The following BCL2L11 variants were observed in gnomAD, a reference collection of about 807,000 sequenced individuals.
The protein encoded by BCL2L11 is bcl-2-like protein 11.
Under a neutral mutation model 20.6 loss-of-function variants are expected in BCL2L11, and 15 were observed. That is an observed-to-expected ratio of 0.73 (90% CI 0.49 to 1.12). The LOEUF (loss-of-function observed/expected upper bound fraction) is 1.12, where lower values mean the gene tolerates loss of function less well. Among genes scored for constraint, BCL2L11 ranks in the 50% most tolerant of loss-of-function variants. The pLI is 0.00. For synonymous variants in BCL2L11, 108 were observed against 92.8 expected, an observed-to-expected ratio of 1.16 and a Z score of -0.94; for missense variants, 292 against 260.9, an observed-to-expected ratio of 1.12 and a Z score of -0.82.
At chr2:111,128,781 C>T in intron 2 of BCL2L11, 1 of 1,534,204 alleles carries the variant, frequency 6.5e-7, no homozygotes, top group Non-Finnish European at 8.8e-7. Flanking sequence ...CCACCTCTCT[C>T]CCTCTTCCTT....
chr2:111,127,766 A>G (rs1421742924), intron 2 of BCL2L11, among the ~76,000 whole-genome samples: 2 of 152,142 alleles, frequency 1.3e-5, no homozygotes, highest in Non-Finnish European at 2.9e-5. Context: ...GAAGCCACAC[A>G]TGCATTAAGC....
chr2:111,153,737 C>T (rs376066557), intron 3 of BCL2L11: 106 of 1,551,606 alleles, frequency 6.8e-5, no homozygotes, highest in Non-Finnish European at 8.7e-5. Flanking sequence ...TTTATTGCCA[C>T]GAGCCTTGCA....
intron 2 of BCL2L11, among the ~76,000 whole-genome samples, chr2:111,129,206 A>T (rs140881890): frequency 1.3e-5 from 2 of 152,378 alleles, no homozygotes; most frequent in East Asian, 3.8e-4. Context: ...GGTAGAGCAC[A>T]TGCTTTCTCA....
At chr2:111,130,124 T>TG in intron 2 of BCL2L11, 1 of 388,272 alleles carries the variant, frequency 2.6e-6, no homozygotes, top group South Asian at 1.9e-5. Flanking sequence ...TTTTTTTTTT[T>TG]GTGACAGTCT....
At chr2:111,141,913 C>T (rs1452252840) in intron 2 of BCL2L11, among the ~76,000 whole-genome samples, 3 of 152,146 alleles carry the variant, frequency 2.0e-5, no homozygotes, top group Non-Finnish European at 4.4e-5. Context: ...GTTGGCCAGG[C>T]TGGTCTTGAA....
At position 111,120,991 on chromosome 2, in the gene BCL2L11, C is replaced by CT; in HGVS notation, c.-211_-210insT. On this transcript the variant is annotated 5_prime_UTR_variant, in exon 1 of 4. Transcript: ENST00000393256. ...GCGCCGCTGCCGCTGCCGCCGCCGC[C>CT]GCCGCCGCCGCCGCCGCCGCCGCCG... 6.4e-6 allele frequency: 2 copies of CT among 310,288 alleles called. No individual in the cohort carries two copies. Among genetic ancestry groups the CT allele is most frequent in the South Asian group, 5.6e-5 (1 of 17,838 alleles). The allele number at this position is 310,288 out of a possible 1,614,324, so 19.2% of individuals were successfully genotyped here.
At chr2:111,158,529 A>G (rs894214131) in intron 3 of BCL2L11, among the ~76,000 whole-genome samples, 28 of 151,230 alleles carry the variant, frequency 1.9e-4, no homozygotes, top group African/African-American at 6.0e-4. Flanking sequence ...GCCTCCTATT[A>G]TATATAATGT....
intron 2 of BCL2L11, among the ~76,000 whole-genome samples, chr2:111,125,892 T>C (rs1243060436): frequency 6.6e-6 from 1 of 152,170 alleles, no homozygotes; most frequent in African/African-American, 2.4e-5. Context: ...GTTGTACTCA[T>C]GAAAATGCTC....
intron 2 of BCL2L11, among the ~76,000 whole-genome samples, chr2:111,126,583 G>A (rs758872396): frequency 2.6e-5 from 4 of 152,094 alleles, no homozygotes; most frequent in South Asian, 2.1e-4. Context: ...TTAAATTGAA[G>A]CATAAAATTT....
At chr2:111,136,309 C>G (rs948050283) in intron 2 of BCL2L11, among the ~76,000 whole-genome samples, 1 of 152,206 alleles carries the variant, frequency 6.6e-6, no homozygotes, top group African/African-American at 2.4e-5. Flanking sequence ...GTCCGTCATC[C>G]CTCAAGTCCT....
intron 2 of BCL2L11, among the ~76,000 whole-genome samples, chr2:111,145,457 C>G (rs985917892): frequency 2.6e-5 from 4 of 152,024 alleles, no homozygotes; most frequent in African/African-American, 9.7e-5. Flanking sequence ...AAGGTTTAGC[C>G]TGACTGATAC....
At chr2:111,138,959 C>T (rs1301926496) in intron 2 of BCL2L11, among the ~76,000 whole-genome samples, 1 of 152,182 alleles carries the variant, frequency 6.6e-6, no homozygotes, top group Non-Finnish European at 1.5e-5. Flanking sequence ...AATGAGCCCT[C>T]AGCCCTGGCA....
At chr2:111,142,697 G>A (rs781092554) in intron 2 of BCL2L11, among the ~76,000 whole-genome samples, 20 of 152,148 alleles carry the variant, frequency 1.3e-4, no homozygotes, top group African/African-American at 3.9e-4. Context: ...TAATACTGAA[G>A]ACCTTAATGT....
intron 2 of BCL2L11, among the ~76,000 whole-genome samples, chr2:111,128,076 T>C (rs532424469): frequency 6.6e-6 from 1 of 152,114 alleles, no homozygotes; most frequent in Non-Finnish European, 1.5e-5. Context: ...ACAGAAATTC[T>C]GTACTCATTA....
chr2:111,135,267 T>C (rs1574998231), intron 2 of BCL2L11, among the ~76,000 whole-genome samples: 2 of 152,364 alleles, frequency 1.3e-5, no homozygotes, highest in Admixed American at 1.3e-4. Context: ...TGTTTAATTA[T>C]ATTTTTCAAT....
In BCL2L11 at chr2:111,166,397, C is replaced by T. The variant is rs1264468533; in HGVS notation, c.*2166C>T. The T allele has an allele frequency of 6.6e-6, 1 of 152,666 alleles. No homozygotes were observed. The highest frequency in any genetic ancestry group is 6.5e-5 in the Admixed American group (1 of 15,290). The allele number at this position is 152,666 out of a possible 1,614,324, so 9.5% of individuals were successfully genotyped here. On this transcript the variant is annotated 3_prime_UTR_variant, in exon 4 of 4. Transcript: ENST00000393256. ...CTCCAGGCTGGCTGTGGAAACAGTT[C>T]CTGAGGAAATTAGAGATTCTATGAA... is the stretch of plus-strand genomic sequence containing the variant.
intron 1 of BCL2L11, among the ~76,000 whole-genome samples, chr2:111,121,801 C>T (rs142503873): frequency 3.3e-4 from 50 of 152,338 alleles, no homozygotes; most frequent in African/African-American, 1.1e-3. Context: ...AGGAGTCCTG[C>T]GGCCTGTGCC....
At chr2:111,135,950 G>C (rs985363087) in intron 2 of BCL2L11, among the ~76,000 whole-genome samples, 1 of 152,174 alleles carries the variant, frequency 6.6e-6, no homozygotes, top group Non-Finnish European at 1.5e-5. Flanking sequence ...CTGCCAGGGA[G>C]GGTCTGGGAG....
chr2:111,162,403 C>T (rs2078673892), intron 3 of BCL2L11, among the ~76,000 whole-genome samples: 1 of 152,188 alleles, frequency 6.6e-6, no homozygotes, highest in South Asian at 2.1e-4. Flanking sequence ...TTTTCCCCAC[C>T]CTCTCCAACA....
Sources: gnomAD v4.1 joint callset for allele counts (sites outside exome capture counted in the v4.1 genomes callset) on GRCh38, gnomAD v4.1.1 for gene constraint, MANE v1.5 for transcripts, NCBI Gene and HGNC (gene_info 2026-07-23, HGNC 2026-07-21) for gene names.